CTSO: variants seen among roughly 807,000 people sequenced by gnomAD.
The protein encoded by CTSO is cathepsin O.
In CTSO, 40 loss-of-function variants were observed where a neutral mutation model predicts 42.4. The observed-to-expected ratio is 0.94, with a 90% CI of 0.73 to 1.23. The LOEUF is 1.23. Ranked by LOEUF, CTSO falls within the 50% of genes most tolerant of loss-of-function variation. The pLI is 0.00. For synonymous variants in CTSO, 156 were observed against 146.2 expected, an observed-to-expected ratio of 1.07 and a Z score of -0.48; for missense variants, 441 against 396.0, an observed-to-expected ratio of 1.11 and a Z score of -0.96.
intron 7 of CTSO, among the ~76,000 whole-genome samples, chr4:155,927,488 G>T (rs1304397839): frequency 6.6e-6 from 1 of 152,150 alleles, no homozygotes; most frequent in Non-Finnish European, 1.5e-5. Flanking sequence ...TTGTGTTTCA[G>T]GCTGGGCGTG....
At chr4:155,942,612 A>G (rs1322719261) in intron 2 of CTSO, among the ~76,000 whole-genome samples, 156 bp from the exon 3 acceptor site, 1 of 151,024 alleles carries the variant, frequency 6.6e-6, no homozygotes, top group Non-Finnish European at 1.5e-5. Context: ...ATTATATTAT[A>G]TTATATCCTT....
chr4:155,945,295 G>A (rs1453265460), intron 1 of CTSO, among the ~76,000 whole-genome samples: 1 of 151,842 alleles, frequency 6.6e-6, no homozygotes, highest in Non-Finnish European at 1.5e-5. Flanking sequence ...AGAAAAGAAT[G>A]AGAAGACATG....
chr4:155,938,924 T>C (rs1743378498), intron 4 of CTSO, among the ~76,000 whole-genome samples: 1 of 152,068 alleles, frequency 6.6e-6, no homozygotes, highest in Non-Finnish European at 1.5e-5. Context: ...GCCACTGTAC[T>C]CCAGCCTGGG....
At chr4:155,941,623 CAT>C (rs373190833) in intron 3 of CTSO, among the ~76,000 whole-genome samples, 125 of 152,308 alleles carry the variant, frequency 8.2e-4, no homozygotes, top group African/African-American at 2.4e-3. Flanking sequence ...TCTTTTAAAA[CAT>C]ATGTCATTGA....
At chr4:155,948,682 T>A (rs562914298) in intron 1 of CTSO, among the ~76,000 whole-genome samples, 13 of 152,312 alleles carry the variant, frequency 8.5e-5, no homozygotes, top group Admixed American at 4.6e-4. Context: ...AGTTTTAAAA[T>A]TCCTCAGAAA....
intron 6 of CTSO, 25 bp downstream of exon 6, chr4:155,929,517 T>A (rs1743192842): frequency 6.3e-7 from 1 of 1,595,342 alleles, no homozygotes; most frequent in Non-Finnish European, 8.5e-7. Flanking sequence ...TGGAAAGCAG[T>A]CAACTGAGTC....
At chr4:155,927,102 T>C (rs1237046886) in intron 7 of CTSO, among the ~76,000 whole-genome samples, 1 of 152,184 alleles carries the variant, frequency 6.6e-6, no homozygotes, top group Admixed American at 6.5e-5. Flanking sequence ...TTGACTTTTT[T>C]CAATGAATAA....
intron 6 of CTSO, among the ~76,000 whole-genome samples, chr4:155,928,808 C>G (rs937179285): frequency 6.6e-6 from 1 of 152,136 alleles, no homozygotes; most frequent in African/African-American, 2.4e-5. Flanking sequence ...TTTATATCAA[C>G]AAAAATTATC....
At chr4:155,928,226 G>T in intron 7 of CTSO, 110 bp downstream of exon 7, 2 of 655,606 alleles carry the variant, frequency 3.1e-6, no homozygotes, top group Non-Finnish European at 4.8e-6. Context: ...TTTGGTTAAA[G>T]GACAAAAATT....
chr4:155,930,739 G>A (rs914989375), intron 5 of CTSO, among the ~76,000 whole-genome samples: 7 of 152,212 alleles, frequency 4.6e-5, no homozygotes, highest in South Asian at 2.1e-4. Flanking sequence ...CCACAGAGGA[G>A]CAAAAAGTTG....
In CTSO at chr4:155,926,064, G is replaced by A; in HGVS notation, c.938C>T (p.Ala313Val). The A allele has an allele frequency of 6.5e-7, 1 of 1,546,976 alleles. No individual in the cohort carries two copies. Among genetic ancestry groups the A allele is most frequent in the Non-Finnish European group, 8.7e-7 (1 of 1,146,892 alleles). Residue 313 changes from alanine to valine, a missense_variant, in exon 8 of 8, where the codon GCA (alanine) becomes GTA (valine). Coordinates refer to ENST00000433477, the MANE Select transcript of CTSO (RefSeq NM_001334.3). ...VKMGSNVCGIADSVSSIFV is the reference protein window; with the variant it reads ...VKMGSNVCGIVDSVSSIFV Reference sequence around the variant, plus strand: ...CACAAATATAGAAGAAACGGAATCTGCAATACCTAAGGGAAAAAAAAGGAA... The same window carrying A: ...CACAAATATAGAAGAAACGGAATCTACAATACCTAAGGGAAAAAAAAGGAA...
intron 1 of CTSO, among the ~76,000 whole-genome samples, chr4:155,944,088 C>T (rs1743491793): frequency 2.6e-5 from 4 of 152,120 alleles, no homozygotes; most frequent in Admixed American, 2.6e-4. Context: ...AACCTATAAG[C>T]AAAATGATGA....
chr4:155,951,008 C>T (rs773970509), intron 1 of CTSO, among the ~76,000 whole-genome samples: 20 of 151,970 alleles, frequency 1.3e-4, no homozygotes, highest in Non-Finnish European at 2.4e-4. Context: ...GGGCTGATTA[C>T]GGCAAGCACA....
chr4:155,929,129 A>G (rs1743185431), intron 6 of CTSO, among the ~76,000 whole-genome samples: 1 of 152,242 alleles, frequency 6.6e-6, no homozygotes, highest in African/African-American at 2.4e-5. Context: ...GCAGACAACT[A>G]GTCAGACCTA....
rs1560782312 is a variant in CTSO at position 155,924,954 on chromosome 4, C to CT, written c.*1081dup. ...CAGTTCGGATGGGAGACCAGGAAAGCTGAGGGGAAAACTGGGAAACAGATT... is the reference window on the plus strand; with the variant it reads ...CAGTTCGGATGGGAGACCAGGAAAGCTTGAGGGGAAAACTGGGAAACAGATT... On this transcript the variant is annotated 3_prime_UTR_variant, in exon 8 of 8. Coordinates refer to ENST00000433477, the MANE Select transcript of CTSO (RefSeq NM_001334.3). 6.6e-6 allele frequency: 1 copy of CT among 152,264 alleles called. No homozygotes were observed. The highest frequency in any genetic ancestry group is 1.9e-4 in the East Asian group (1 of 5,184). The allele number at this position is 152,264 out of a possible 1,614,324, so 9.4% of individuals were successfully genotyped here.
chr4:155,952,372 A>G (rs1327628647), intron 1 of CTSO, among the ~76,000 whole-genome samples: 6 of 152,146 alleles, frequency 3.9e-5, no homozygotes, highest in Non-Finnish European at 5.9e-5. Flanking sequence ...AATGTTAAAA[A>G]TATATTTATA....
chr4:155,925,888 C>T lies in CTSO; in HGVS notation c.*148G>A. 1.4e-6 allele frequency: 1 copy of T among 709,612 alleles called. No individual in the cohort carries two copies. The highest frequency in any genetic ancestry group is 2.4e-6 in the Non-Finnish European group (1 of 425,324). The allele number at this position is 709,612 out of a possible 1,614,324, so 44.0% of individuals were successfully genotyped here. On this transcript the variant is annotated 3_prime_UTR_variant, in exon 8 of 8. Transcript: ENST00000433477. ...CATCTCTCTACAAGAAGGGAACATT[C>T]TGAAACTTAGTTTAAATACTACTAG... is the stretch of plus-strand genomic sequence containing the variant.
intron 1 of CTSO, among the ~76,000 whole-genome samples, chr4:155,950,486 G>A (rs2110939370): frequency 6.7e-6 from 1 of 149,498 alleles, no homozygotes; most frequent in East Asian, 1.9e-4. Context: ...GTCAATGTAT[G>A]CTTTAAGTGA....
At chr4:155,944,521 C>T (rs905142431) in intron 1 of CTSO, among the ~76,000 whole-genome samples, 2 of 152,038 alleles carry the variant, frequency 1.3e-5, no homozygotes, top group African/African-American at 4.8e-5. Context: ...ACTGCCTGGC[C>T]ATCTTTGTGA....
Sources: gnomAD v4.1 joint callset for allele counts (sites outside exome capture counted in the v4.1 genomes callset) on GRCh38, gnomAD v4.1.1 for gene constraint, MANE v1.5 for transcripts, NCBI Gene and HGNC (gene_info 2026-07-23, HGNC 2026-07-21) for gene names.